Variants in RBM43 observed in about 807,000 individuals in gnomAD.
The protein encoded by RBM43 is RNA binding motif protein 43.
In RBM43, 12 loss-of-function variants were observed where a neutral mutation model predicts 12.4. The observed-to-expected ratio is 0.97, with a 90% CI of 0.62 to 1.57. RBM43 has a LOEUF of 1.57. Ranked by LOEUF, RBM43 falls within the 40% of genes most tolerant of loss-of-function variation. RBM43 has a pLI of 0.00. For missense variants in RBM43, 348 were observed against 400.1 expected (o/e 0.87, Z 1.11); for synonymous variants, 138 against 145.7 (o/e 0.95, Z 0.38).
Position 151,248,310 on chromosome 2 carries a change from T to A in RBM43, c.*2596A>T, listed in dbSNP as rs1356357645. 6.6e-6 allele frequency: 1 copy of A among 152,054 alleles called. No homozygotes were observed. The highest frequency in any genetic ancestry group is 1.9e-4 in the East Asian group (1 of 5,198). The allele number at this position is 152,054 out of a possible 1,614,324, so 9.4% of individuals were successfully genotyped here. ...ATTCTTTTTTGTATAGGGAGGAAGG[T>A]TTTACATGGGAATTTAATCTTTGCT... On this transcript the variant is annotated 3_prime_UTR_variant, in exon 4 of 4. Transcript: ENST00000331426.
Position 151,252,826 on chromosome 2 carries a change from G to A in RBM43, c.244C>T (p.His82Tyr). Residue 82 changes from histidine to tyrosine, a missense_variant, in exon 3 of 4, where the codon CAC (histidine) becomes TAC (tyrosine). Physicochemically the swap from His to Tyr is moderately conservative, Grantham distance 83. Transcript: ENST00000331426. Reference protein sequence around the residue: ...VAENVIRQKKHWLARKTRHAE... With the variant: ...VAENVIRQKKYWLARKTRHAE... ...TGTCTAGTCTTCCTTGCTAGCCAGTGTTTCTTTTGTCTGATGACATTCTCT... is the reference window on the plus strand; with the variant it reads ...TGTCTAGTCTTCCTTGCTAGCCAGTATTTCTTTTGTCTGATGACATTCTCT... 2 of 1,609,752 alleles carry A rather than the reference G, an allele frequency of 1.2e-6. No homozygotes were observed. The highest frequency in any genetic ancestry group is 1.7e-6 in the Non-Finnish European group (2 of 1,176,474).
At chr2:151,258,937 G>A (rs1459617082) in intron 1 of RBM43, among the ~76,000 whole-genome samples, 1 of 152,194 alleles carries the variant, frequency 6.6e-6, no homozygotes, top group Non-Finnish European at 1.5e-5. Flanking sequence ...AAGGTCAGGA[G>A]TTCGAGACCA....
intron 3 of RBM43, 103 bp downstream of exon 3, chr2:151,252,652 G>T: frequency 1.6e-6 from 1 of 628,928 alleles, no homozygotes; most frequent in Non-Finnish European, 2.8e-6. Flanking sequence ...TTCCTTCCTA[G>T]AAGTCATGGA....
intron 2 of RBM43, 90 bp downstream of exon 2, chr2:151,255,443 C>T: frequency 1.1e-6 from 1 of 925,354 alleles, no homozygotes; most frequent in Non-Finnish European, 1.6e-6. Context: ...TTAAAATTTA[C>T]CAATTCCGTG....
rs995381029 is a variant in RBM43, at chr2:151,248,686, T to C, written c.*2220A>G. 4.6e-5 allele frequency: 7 copies of C among 152,206 alleles called. No individual in the cohort carries two copies. The highest frequency in any genetic ancestry group is 9.6e-5 in the African/African-American group (4 of 41,456). 9.4% of individuals were successfully genotyped at this position (152,206 alleles called of 1,614,324 possible). On this transcript the variant is annotated 3_prime_UTR_variant, in exon 4 of 4. Transcript: ENST00000331426. ...ACAGACTAAATGATCCCTGTAATGT[T>C]TGAATATGTTACTAGCTGGAGTTCC... is the stretch of plus-strand genomic sequence containing the variant.
chr2:151,249,117 G>A lies in RBM43; in HGVS notation c.*1789C>T, dbSNP rs996490325. 5 of 152,202 alleles carry A rather than the reference G, an allele frequency of 3.3e-5. No individual in the cohort carries two copies. Among genetic ancestry groups the A allele is most frequent in the African/African-American group, 9.7e-5 (4 of 41,440 alleles). 9.4% of individuals were successfully genotyped at this position (152,202 alleles called of 1,614,324 possible). On this transcript the variant is annotated 3_prime_UTR_variant, in exon 4 of 4. Transcript: ENST00000331426. ...TACCTGTGAAAGTGGTGGGGGTGTA[G>A]GGGGTTCAAAGGGCCCCAACATGGG...
Position 151,254,280 on chromosome 2 carries a change from G to A in RBM43, c.214+1253C>T, listed in dbSNP as rs1314483769. Among the ~76,000 whole-genome samples the A allele has an allele frequency of 8.3e-5, 11 of 131,840 alleles. 1 individual carries two copies. In the East Asian group the frequency reaches 1.9e-3, roughly 23 times the overall value. 86.5% of individuals were successfully genotyped at this position (131,840 alleles called of 152,430 possible). On this transcript the variant is annotated intron_variant, in intron 2 of 3. Coordinates refer to ENST00000331426, the MANE Select transcript of RBM43 (RefSeq NM_198557.3). Reference sequence around the variant, plus strand: ...AGAAAATATTTATGAATGAATGACCGAGGCCAATCTCTCTCTCTCTCTCTC... The same window carrying A: ...AGAAAATATTTATGAATGAATGACCAAGGCCAATCTCTCTCTCTCTCTCTC...
intron 1 of RBM43, among the ~76,000 whole-genome samples, chr2:151,256,959 G>A (rs1258347086): frequency 1.3e-5 from 2 of 152,184 alleles, no homozygotes; most frequent in Non-Finnish European, 2.9e-5. Flanking sequence ...ACCATGCTGG[G>A]CACAGAGTAT....
intron 1 of RBM43, among the ~76,000 whole-genome samples, chr2:151,260,107 G>A (rs754039039): frequency 2.5e-4 from 37 of 149,396 alleles, no homozygotes; most frequent in African/African-American, 7.6e-4. Context: ...CTCGTGATCC[G>A]CTCCCCCCTC....
At chr2:151,257,035 T>C (rs1203158677) in intron 1 of RBM43, among the ~76,000 whole-genome samples, 1 of 152,232 alleles carries the variant, frequency 6.6e-6, no homozygotes, top group Non-Finnish European at 1.5e-5. Context: ...TTAAGGCTTC[T>C]ATTTAAATGC....
At position 151,251,419 on chromosome 2, in the gene RBM43, C is replaced by T. The variant is rs772031018; in HGVS notation, c.561G>A (p.Trp187Ter). The change falls in exon 4 of 4, where the codon TGG becomes TGA. Residue 187 changes from tryptophan to a stop codon, truncating the protein, a stop_gained. Transcript: ENST00000331426. LOFTEE classifies it low-confidence loss of function (END_TRUNC). ...GATTCCTCTGGGGATTTTGTCTATTCCACTTTCTCTCCTCACTGGTAAAAT... is the reference window on the plus strand; with the variant it reads ...GATTCCTCTGGGGATTTTGTCTATTTCACTTTCTCTCCTCACTGGTAAAAT... ...DRNFTSEERK[W>*]NRQNPQRNLQ... is the part of the protein sequence containing the mutation. 6.2e-7 allele frequency: 1 copy of T among 1,614,074 alleles called. No homozygotes were observed. The highest frequency in any genetic ancestry group is 1.3e-5 in the African/African-American group (1 of 74,940).
chr2:151,249,518 G>A lies in RBM43; in HGVS notation c.*1388C>T, dbSNP rs1682866473. ...TCAGCCTCTAGCCTCCCGAGTAGGT[G>A]GGACTACAGGCGCCCACCACCATGC... On this transcript the variant is annotated 3_prime_UTR_variant, in exon 4 of 4. Coordinates refer to ENST00000331426, the MANE Select transcript of RBM43 (RefSeq NM_198557.3). The A allele has an allele frequency of 2.0e-5, 3 of 152,298 alleles. No individual in the cohort carries two copies. The highest frequency in any genetic ancestry group is 4.4e-5 in the Non-Finnish European group (3 of 68,396). The allele number at this position is 152,298 out of a possible 1,614,324, so 9.4% of individuals were successfully genotyped here. A position where few individuals can be genotyped will look rare whatever the true frequency, so the allele number is the denominator to read the frequency against.
Position 151,261,324 on chromosome 2 carries a change from T to C in RBM43, c.3+401A>G, listed in dbSNP as rs1439247096. 2.6e-6 allele frequency: 4 copies of C among 1,550,570 alleles called. No homozygotes were observed. In the South Asian group the frequency reaches 4.8e-5, roughly 18 times the overall value. ...TTTCTGGCTAATCAGGCCACTTTTG[T>C]TCCCCCCGAGGCGTGGGAGGACAAC... On this transcript the variant is annotated intron_variant, in intron 1 of 3. Transcript: ENST00000331426.
rs544088355 is a variant in RBM43, at chr2:151,257,963, G to A, written c.4-2220C>T. Among the ~76,000 whole-genome samples, 5 of 152,212 alleles carry A rather than the reference G, an allele frequency of 3.3e-5. No homozygotes were observed. In the East Asian group the frequency reaches 9.7e-4, roughly 29 times the overall value. ...CAGGCACCTGTAATCCAGCTACTCA[G>A]GAGGCTGAGGCAAGAGAATAGCTTA... On this transcript the variant is annotated intron_variant, in intron 1 of 3. Coordinates refer to ENST00000331426, the MANE Select transcript of RBM43 (RefSeq NM_198557.3).
rs192033601 is a variant in RBM43, at chr2:151,248,213, G to A, written c.*2693C>T. On this transcript the variant is annotated 3_prime_UTR_variant, in exon 4 of 4. Transcript: ENST00000331426. ...ATGTGAGTAGGACCAAAAGACAAGAGTGATTTTTAACAAGGTTTATACAGT... is the reference window on the plus strand; with the variant it reads ...ATGTGAGTAGGACCAAAAGACAAGAATGATTTTTAACAAGGTTTATACAGT... 1 of 152,206 alleles carries A rather than the reference G, an allele frequency of 6.6e-6. No homozygotes were observed. Among genetic ancestry groups the A allele is most frequent in the East Asian group, 1.9e-4 (1 of 5,190 alleles). 9.4% of individuals were successfully genotyped at this position (152,206 alleles called of 1,614,324 possible).
Position 151,255,625 on chromosome 2 carries a change from TG to T in RBM43, c.121del (p.Gln41LysfsTer13). The T allele has an allele frequency of 6.2e-7, 1 of 1,614,006 alleles. No homozygotes were observed. Among genetic ancestry groups the T allele is most frequent in the Non-Finnish European group, 8.5e-7 (1 of 1,179,926 alleles). Reference sequence around the variant, plus strand: ...ATCTCCGCCCTCATTCTTAATGTCTTGGAAGTGGCTCTTCACTAATACGGCC... The same window carrying T: ...ATCTCCGCCCTCATTCTTAATGTCTTGAAGTGGCTCTTCACTAATACGGCC... ...LLAVLVKSHF[Q>X]DIKNEGGDVE... On this transcript the variant is annotated frameshift_variant, in exon 2 of 4. Coordinates refer to ENST00000331426, the MANE Select transcript of RBM43 (RefSeq NM_198557.3). LOFTEE classifies it high-confidence loss of function.
Position 151,251,295 on chromosome 2 carries a change from A to G in RBM43, c.685T>C (p.Tyr229His). 6.2e-7 allele frequency: 1 copy of G among 1,614,014 alleles called. No homozygotes were observed. The highest frequency in any genetic ancestry group is 8.5e-7 in the Non-Finnish European group (1 of 1,180,000). ...MLVLDTDVFLYLKHKCGSYES... is the reference protein window; with the variant it reads ...MLVLDTDVFLHLKHKCGSYES... ...TAAGATCCACACTTGTGTTTCAGGT[A>G]AAGAAAAACATCTGTGTCAAGCACA... Residue 229 changes from tyrosine (Y) to histidine (H), a missense_variant, in exon 4 of 4, where the codon TAC becomes CAC. By Grantham distance (83) the Tyr-to-His change is moderately conservative. Coordinates refer to ENST00000331426, the MANE Select transcript of RBM43 (RefSeq NM_198557.3).
rs146135162 is a variant in RBM43 at position 151,256,064 on chromosome 2, C to T, written c.4-321G>A. Among the ~76,000 whole-genome samples the T allele has an allele frequency of 7.6e-3, 1,162 of 152,174 alleles. 22 individuals are homozygous for T. The highest frequency in any genetic ancestry group is 0.026 in the African/African-American group (1,099 of 41,496). On this transcript the variant is annotated intron_variant, in intron 1 of 3. Transcript: ENST00000331426. ...ACAATCTCTGCCTCCCAGGTTCAAG[C>T]GATTCTCCTGCCTCAGCCCCTCAAG... is the stretch of plus-strand genomic sequence containing the variant.
chr2:151,255,920 A>C (rs964065228), intron 1 of RBM43, among the ~76,000 whole-genome samples, 177 bp from the exon 2 acceptor site: 1 of 152,198 alleles, frequency 6.6e-6, no homozygotes, highest in African/African-American at 2.4e-5. Flanking sequence ...ATACCAACAT[A>C]AACTCTATAT....
Sources: allele counts gnomAD v4.1 joint callset (sites outside exome capture counted in the v4.1 genomes callset), GRCh38; gene constraint gnomAD v4.1.1; transcripts MANE v1.5; gene names NCBI Gene and HGNC (gene_info 2026-07-23, HGNC 2026-07-21).